Variants in B3GALT1 observed in about 807,000 individuals in gnomAD.
B3GALT1 encodes the protein UDP-Gal:betaGlcNAc beta 1,3-galactosyltransferase, polypeptide 1.
In B3GALT1, 10 loss-of-function variants were observed where a neutral mutation model predicts 23.2. The ratio of observed to expected loss-of-function variants is 0.43; its 90% confidence interval spans 0.27 to 0.73. B3GALT1 has a LOEUF of 0.73. Among genes scored for constraint, B3GALT1 ranks in the 30% least tolerant of loss-of-function variants. The pLI is 0.21. For synonymous variants in B3GALT1, 156 were observed against 141.5 expected (o/e 1.10, Z -0.73); for missense variants, 299 against 405.4 (o/e 0.74, Z 2.25).
chr2:167,350,833 G>A (rs891988627), intron 1 of B3GALT1, among the ~76,000 whole-genome samples: 1 of 152,168 alleles, frequency 6.6e-6, no homozygotes, highest in Admixed American at 6.5e-5. Flanking sequence ...TACCACTTGA[G>A]CCTGGTATGC....
chr2:167,459,511 A>G (rs6726976), intron 1 of B3GALT1, among the ~76,000 whole-genome samples: 17,178 of 152,176 alleles, frequency 0.11, 1,137 homozygotes, highest in African/African-American at 0.19. Flanking sequence ...TAGTCTCTTC[A>G]AATATGTAGA....
chr2:167,807,900 G>T (rs529949303), intron 3 of B3GALT1, among the ~76,000 whole-genome samples: 10 of 151,920 alleles, frequency 6.6e-5, no homozygotes, highest in Admixed American at 2.0e-4. Flanking sequence ...TTGACAGTGG[G>T]GTGTTAAAGT....
intron 2 of B3GALT1, among the ~76,000 whole-genome samples, chr2:167,597,304 A>G (rs558352913): frequency 2.6e-5 from 4 of 151,142 alleles, no homozygotes; most frequent in Non-Finnish European, 3.0e-5. Context: ...TTCAGTAGAG[A>G]CGGGGTTTCA....
At chr2:167,408,056 A>G (rs1437732336) in intron 1 of B3GALT1, among the ~76,000 whole-genome samples, 1 of 150,842 alleles carries the variant, frequency 6.6e-6, no homozygotes, top group Non-Finnish European at 1.5e-5. Flanking sequence ...ACACACACAC[A>G]CACACACACA....
chr2:167,862,844 T>C (rs760192132), intron 4 of B3GALT1: 3 of 152,236 alleles, frequency 2.0e-5, no homozygotes, highest in Non-Finnish European at 4.4e-5. Flanking sequence ...TCTGCCCCAC[T>C]AACTTCCTGA....
intron 1 of B3GALT1, among the ~76,000 whole-genome samples, chr2:167,349,954 A>T (rs1453338495): frequency 1.3e-5 from 2 of 152,238 alleles, no homozygotes; most frequent in Non-Finnish European, 2.9e-5. Flanking sequence ...TATATACAAT[A>T]AACGGAATAC....
chr2:167,828,188 T>C (rs985220193), intron 4 of B3GALT1, among the ~76,000 whole-genome samples: 3 of 152,158 alleles, frequency 2.0e-5, no homozygotes, highest in Non-Finnish European at 4.4e-5. Context: ...TCAAATGAAT[T>C]AGCATACACC....
At chr2:167,588,786 T>G (rs1684620620) in intron 2 of B3GALT1, among the ~76,000 whole-genome samples, 1 of 151,892 alleles carries the variant, frequency 6.6e-6, no homozygotes, top group South Asian at 2.1e-4. Context: ...TGGTTATATA[T>G]ATATATAATT....
chr2:167,530,496 T>C (rs1683308411), intron 2 of B3GALT1, among the ~76,000 whole-genome samples: 1 of 152,210 alleles, frequency 6.6e-6, no homozygotes, highest in Admixed American at 6.6e-5. Flanking sequence ...TACATGCTGC[T>C]GGAATAGTTC....
At position 167,713,679 on chromosome 2, in the gene B3GALT1, A is replaced by G. The variant is rs189108918; in HGVS notation, c.-352+66713A>G. The G allele has an allele frequency of 7.0e-3, 10,001 of 1,436,740 alleles. 48 individuals carry two copies. The highest frequency in any genetic ancestry group is 0.016 in the Middle Eastern group (88 of 5,602). The allele number at this position is 1,436,740 out of a possible 1,614,324, so 89.0% of individuals were successfully genotyped here. A position where few individuals can be genotyped will look rare whatever the true frequency, so the allele number is the denominator to read the frequency against. On this transcript the variant is annotated intron_variant, in intron 3 of 4. Coordinates refer to ENST00000392690, the MANE Select transcript of B3GALT1 (RefSeq NM_020981.4). ...GTCAGATTTCTTGCTGTGGTTCTGG[A>G]TGTTCAGTAGCAGGCTCCTTTGAAG... is the stretch of plus-strand genomic sequence containing the variant.
rs76114369 is a variant in B3GALT1 at position 167,399,858 on chromosome 2, A to G, written c.-510-90319A>G. ...GTTTTTACCCTCATTTTGCTAGGGT[A>G]TATCCTTAAGTTGCTTTCTCAGAAG... On this transcript the variant is annotated intron_variant, in intron 1 of 4. Transcript: ENST00000392690. 1.3e-4 allele frequency among the ~76,000 whole-genome samples: 20 copies of G among 152,164 alleles called. No homozygotes were observed. The East Asian group carries it at 2.1e-3, about 16-fold the overall frequency.
chr2:167,385,748 T>C (rs1202089855), intron 1 of B3GALT1, among the ~76,000 whole-genome samples: 1 of 152,090 alleles, frequency 6.6e-6, no homozygotes, highest in Non-Finnish European at 1.5e-5. Context: ...TTCACCAAAA[T>C]TGCTGACTTG....
At chr2:167,725,497 A>G (rs1687298150) in intron 3 of B3GALT1, among the ~76,000 whole-genome samples, 1 of 152,212 alleles carries the variant, frequency 6.6e-6, no homozygotes, top group South Asian at 2.1e-4. Flanking sequence ...ATCTTTTATA[A>G]TAAAATTTCT....
intron 2 of B3GALT1, among the ~76,000 whole-genome samples, chr2:167,625,651 C>T (rs899527351): frequency 2.0e-5 from 3 of 151,584 alleles, no homozygotes; most frequent in African/African-American, 7.3e-5. Flanking sequence ...GCTTTAGATT[C>T]GTGTTACAAT....
intron 3 of B3GALT1, among the ~76,000 whole-genome samples, chr2:167,789,793 C>T (rs898677209): frequency 2.0e-4 from 31 of 152,114 alleles, no homozygotes; most frequent in Non-Finnish European, 4.3e-4. Context: ...TCCCCCACAG[C>T]CCCCAGCTCC....
chr2:167,598,267 TGAGA>T (rs894269897), intron 2 of B3GALT1, among the ~76,000 whole-genome samples: 10 of 152,056 alleles, frequency 6.6e-5, no homozygotes, highest in African/African-American at 1.7e-4. Flanking sequence ...TGTGTGTGTG[TGAGA>T]GAGTGACATG....
intron 3 of B3GALT1, among the ~76,000 whole-genome samples, chr2:167,658,177 G>C (rs1024675829): frequency 6.6e-6 from 1 of 152,074 alleles, no homozygotes; most frequent in African/African-American, 2.4e-5. Flanking sequence ...TCCTGCACTT[G>C]TAAGGCTTCC....
chr2:167,307,736 G>A (rs556044293), intron 1 of B3GALT1, among the ~76,000 whole-genome samples: 2 of 152,030 alleles, frequency 1.3e-5, no homozygotes, highest in East Asian at 3.9e-4. Context: ...ACTGTTTAGG[G>A]ATGTCTCTTC....
At chr2:167,314,395 G>A (rs533093469) in intron 1 of B3GALT1, among the ~76,000 whole-genome samples, 1 of 152,178 alleles carries the variant, frequency 6.6e-6, no homozygotes, top group Non-Finnish European at 1.5e-5. Flanking sequence ...TAAGCTAATT[G>A]GTGTGTTCCA....
Sources: allele counts gnomAD v4.1 joint callset (sites outside exome capture counted in the v4.1 genomes callset), GRCh38; gene constraint gnomAD v4.1.1; transcripts MANE v1.5; gene names NCBI Gene and HGNC (gene_info 2026-07-23, HGNC 2026-07-21).